The following PRKN variants were observed in gnomAD, a reference collection of about 807,000 sequenced individuals.
PRKN encodes E3 ubiquitin-protein ligase parkin.
A neutral mutation model predicts 59.5 loss-of-function variants in PRKN; 56 were observed. The ratio of observed to expected loss-of-function variants is 0.94; its 90% CI spans 0.76 to 1.18. The LOEUF is 1.18. Among genes scored for constraint, PRKN ranks in the 50% most tolerant of loss-of-function variants. The pLI is 0.00. For missense variants in PRKN, 657 were observed against 596.4 expected, an observed-to-expected ratio of 1.10 and a Z score of -1.06; for synonymous variants, 250 against 222.1, an observed-to-expected ratio of 1.13 and a Z score of -1.12.
intron 1 of PRKN, among the ~76,000 whole-genome samples, chr6:162,536,665 T>C (rs1315320028): frequency 6.6e-6 from 1 of 152,152 alleles, no homozygotes; most frequent in African/African-American, 2.4e-5. Context: ...GTGAGTTTCC[T>C]TAATGATGAA....
At chr6:162,126,161 T>C (rs2128306875) in intron 4 of PRKN, among the ~76,000 whole-genome samples, 1 of 152,258 alleles carries the variant, frequency 6.6e-6, no homozygotes, top group South Asian at 2.1e-4. Context: ...GAAGAAACAA[T>C]GGCTGTGCTA....
chr6:161,639,609 T>A (rs1317040225), intron 7 of PRKN, among the ~76,000 whole-genome samples: 1 of 152,156 alleles, frequency 6.6e-6, no homozygotes, highest in Non-Finnish European at 1.5e-5. Flanking sequence ...GAAATATGTT[T>A]GCTAGAGACA....
Position 161,597,691 on chromosome 6 carries a change from G to C in PRKN, c.872-28275C>G, listed in dbSNP as rs544626106. Among the ~76,000 whole-genome samples the C allele has an allele frequency of 2.6e-5, 4 of 152,324 alleles. No homozygotes were observed. The East Asian group carries it at 7.7e-4, about 29-fold the overall frequency. On this transcript the variant is annotated intron_variant, in intron 7 of 11. Transcript: ENST00000366898. The stretch of plus-strand genomic sequence containing the variant: ...AAGCTCCAAGTTTCATAATTCCAGA[G>C]GTCCTCTCCTGGGGAGAAAGCCCTG...
chr6:162,247,356 T>G lies in PRKN; in HGVS notation c.412+15169A>C, dbSNP rs538952111. 1.3e-3 allele frequency among the ~76,000 whole-genome samples: 195 copies of G among 152,274 alleles called. 1 individual carries two copies. Among genetic ancestry groups the G allele is most frequent in the African/African-American group, 4.3e-3 (179 of 41,572 alleles). On this transcript the variant is annotated intron_variant, in intron 3 of 11. Coordinates refer to ENST00000366898, the MANE Select transcript of PRKN (RefSeq NM_004562.3). ...ATTTTTTCCCTAAAGCAAAGTGTTG[T>G]TTTGTACCAGTATATGAAATGACAC...
intron 9 of PRKN, among the ~76,000 whole-genome samples, chr6:161,524,875 G>A (rs1778962093): frequency 6.6e-6 from 1 of 152,164 alleles, no homozygotes; most frequent in South Asian, 2.1e-4. Context: ...ATGAGTAGGT[G>A]TACGCAGGAC....
Position 162,447,991 on chromosome 6 carries a change from TAAC to T in PRKN, c.8-4521_8-4519del, listed in dbSNP as rs146949162. Among the ~76,000 whole-genome samples, 606 of 152,222 alleles carry T rather than the reference TAAC, an allele frequency of 4.0e-3. 7 individuals carry two copies. The highest frequency in any genetic ancestry group is 0.014 in the African/African-American group (579 of 41,528). ...CGGTGAAGTCCTTTTAGATGGCAAA[TAAC>T]ATCATGTGATGCCTCAGACAGTTTT... On this transcript the variant is annotated intron_variant, in intron 1 of 11. Coordinates refer to ENST00000366898, the MANE Select transcript of PRKN (RefSeq NM_004562.3).
At chr6:161,648,028 T>G (rs1784019275) in intron 7 of PRKN, among the ~76,000 whole-genome samples, 1 of 152,226 alleles carries the variant, frequency 6.6e-6, no homozygotes, top group Non-Finnish European at 1.5e-5. Flanking sequence ...CATTTATTAC[T>G]GGTGCATGAT....
intron 3 of PRKN, among the ~76,000 whole-genome samples, chr6:162,209,014 A>G (rs1785078519): frequency 6.6e-6 from 1 of 152,174 alleles, no homozygotes; most frequent in Non-Finnish European, 1.5e-5. Context: ...AACCTAGGCA[A>G]TGCCATTCAG....
intron 9 of PRKN, among the ~76,000 whole-genome samples, chr6:161,439,346 C>T (rs1789080805): frequency 6.6e-6 from 1 of 152,140 alleles, no homozygotes; most frequent in Non-Finnish European, 1.5e-5. Context: ...GGGAGCACTC[C>T]TAGCAGGCAC....
intron 5 of PRKN, among the ~76,000 whole-genome samples, chr6:162,025,753 T>A (rs1783410695): frequency 6.6e-6 from 1 of 151,742 alleles, no homozygotes; most frequent in Non-Finnish European, 1.5e-5. Flanking sequence ...CCTGGCTAAT[T>A]TTTTTTCATA....
At chr6:161,787,428 G>A (rs559227035) in intron 6 of PRKN, among the ~76,000 whole-genome samples, 3 of 152,200 alleles carry the variant, frequency 2.0e-5, no homozygotes, top group African/African-American at 4.8e-5. Context: ...ACAGTCACTC[G>A]CATACACATG....
intron 1 of PRKN, among the ~76,000 whole-genome samples, chr6:162,501,140 C>G (rs6920233): frequency 0.49 from 73,944 of 151,880 alleles, 18,178 homozygotes; most frequent in Middle Eastern, 0.58. Context: ...CTGGGCAACA[C>G]GGCAAGACTC....
chr6:161,791,022 T>G (rs1341355368), intron 6 of PRKN, among the ~76,000 whole-genome samples: 1 of 152,168 alleles, frequency 6.6e-6, no homozygotes, highest in East Asian at 1.9e-4. Flanking sequence ...CATGGGTCTT[T>G]TGTTCCTCCT....
chr6:161,404,349 G>A (rs141997197), intron 9 of PRKN, among the ~76,000 whole-genome samples: 36 of 152,156 alleles, frequency 2.4e-4, no homozygotes, highest in Non-Finnish European at 3.8e-4. Context: ...ACGCATAGAC[G>A]GGATGACAGA....
At chr6:161,748,342 C>T (rs1788522740) in intron 7 of PRKN, among the ~76,000 whole-genome samples, 1 of 151,212 alleles carries the variant, frequency 6.6e-6, no homozygotes, top group Non-Finnish European at 1.5e-5. Flanking sequence ...GATCCCGAAT[C>T]ACTCTCTTAC....
intron 7 of PRKN, among the ~76,000 whole-genome samples, chr6:161,750,768 CAAAAAAA>C (rs112951182): frequency 9.4e-6 from 1 of 106,180 alleles, no homozygotes; most frequent in Admixed American, 1.0e-4. Context: ...ACTCTTGTCT[CAAAAAAA>C]AAAAAAAAAG....
intron 9 of PRKN, among the ~76,000 whole-genome samples, chr6:161,452,908 C>T (rs1181782866): frequency 6.6e-6 from 1 of 151,584 alleles, no homozygotes; most frequent in African/African-American, 2.4e-5. Flanking sequence ...TATAAAATAC[C>T]TCCATTCAAG....
chr6:162,552,900 C>A (rs556695763), intron 1 of PRKN, among the ~76,000 whole-genome samples: 6 of 152,232 alleles, frequency 3.9e-5, no homozygotes, highest in African/African-American at 1.4e-4. Context: ...AACCAGGTCT[C>A]AGAAGCCACG....
chr6:162,471,650 A>C (rs1459381824), intron 1 of PRKN, among the ~76,000 whole-genome samples: 4 of 152,198 alleles, frequency 2.6e-5, no homozygotes, highest in Non-Finnish European at 5.9e-5. Flanking sequence ...TTTCCACAGT[A>C]AACATTATAA....
Sources: gnomAD v4.1 joint callset for allele counts (sites outside exome capture counted in the v4.1 genomes callset) on GRCh38, gnomAD v4.1.1 for gene constraint, MANE v1.5 for transcripts, NCBI Gene and HGNC (gene_info 2026-07-23, HGNC 2026-07-21) for gene names.